Variants in MTUS1 observed in about 807,000 individuals in gnomAD.
The protein encoded by MTUS1 is microtubule associated scaffold protein 1, also known as microtubule-associated tumor suppressor 1.
Under a neutral mutation model 120.8 loss-of-function variants are expected in MTUS1, and 109 were observed. That is an observed-to-expected ratio of 0.90 (90% CI 0.77 to 1.06). The LOEUF is 1.06. MTUS1 is among the 50% of genes least tolerant of loss of function. The pLI, the probability that MTUS1 is intolerant of heterozygous loss-of-function variation, is 0.00. For missense variants in MTUS1, 2,210 were observed against 1,486.3 expected (o/e 1.49, Z -8.01); for synonymous variants, 737 against 550.5 (o/e 1.34, Z -4.74).
At chr8:17,768,723 CA>C (rs1183193705) in intron 1 of MTUS1, among the ~76,000 whole-genome samples, 1 of 151,960 alleles carries the variant, frequency 6.6e-6, no homozygotes, top group South Asian at 2.1e-4. Flanking sequence ...ACCTCCAAAA[CA>C]AAAAACAAAA....
intron 1 of MTUS1, among the ~76,000 whole-genome samples, chr8:17,769,247 T>TC (rs1252795569): frequency 5.5e-5 from 8 of 145,638 alleles, no homozygotes; most frequent in African/African-American, 2.0e-4. Context: ...TTTTTTTTTT[T>TC]TTTGGCTCAA....
intron 8 of MTUS1, among the ~76,000 whole-genome samples, chr8:17,661,657 G>T (rs1490220464): frequency 6.8e-6 from 1 of 147,038 alleles, no homozygotes; most frequent in Non-Finnish European, 1.5e-5. Flanking sequence ...AAAAAAAAAA[G>T]GCAGCTCTGA....
chr8:17,650,091 T>C, intron 12 of MTUS1, 129 bp from the exon 13 acceptor site: 1 of 697,214 alleles, frequency 1.4e-6, no homozygotes, highest in Non-Finnish European at 2.6e-6. Flanking sequence ...TAGAGCAATT[T>C]CAAAGAAAGA....
intron 1 of MTUS1, among the ~76,000 whole-genome samples, chr8:17,794,894 G>C (rs998353396): frequency 6.6e-6 from 1 of 152,182 alleles, no homozygotes; most frequent in African/African-American, 2.4e-5. Context: ...CGTAAAGCTA[G>C]CCAAGGGAGC....
chr8:17,779,810 T>C (rs1185604546), intron 1 of MTUS1, among the ~76,000 whole-genome samples: 3 of 152,206 alleles, frequency 2.0e-5, no homozygotes, highest in African/African-American at 7.2e-5. Context: ...AGCCCCTTAT[T>C]CCTTCTCTTC....
At chr8:17,788,460 C>A (rs1304020561) in intron 1 of MTUS1, among the ~76,000 whole-genome samples, 1 of 152,138 alleles carries the variant, frequency 6.6e-6, no homozygotes, top group Non-Finnish European at 1.5e-5. Flanking sequence ...TCTCTTTACT[C>A]AGAATTTCAT....
At position 17,753,900 on chromosome 8, in the gene MTUS1, C is replaced by A. The variant is rs2048377960; in HGVS notation, c.1908G>T (p.Lys636Asn). The change falls in exon 2 of 15, where the codon AAG (lysine) becomes AAT (asparagine). Residue 636 changes from lysine (K) to asparagine (N), a missense_variant. Lys to Asn is a moderately conservative substitution (Grantham distance 94). Coordinates refer to ENST00000693296, the MANE Select transcript of MTUS1 (RefSeq NM_001363059.2). ...TTTTAACAGGGAGTATGCCTTTGAT[C>A]TTCTGAAACAACGCAGAAACGGACC... ...ETGSVSALFQ[K>N]IKGILPVKME... The A allele has an allele frequency of 6.2e-7, 1 of 1,614,132 alleles. No homozygotes were observed. Among genetic ancestry groups the A allele is most frequent in the Non-Finnish European group, 8.5e-7 (1 of 1,180,030 alleles).
At chr8:17,738,899 G>C (rs1464662665) in intron 3 of MTUS1, among the ~76,000 whole-genome samples, 1 of 152,012 alleles carries the variant, frequency 6.6e-6, no homozygotes, top group Non-Finnish European at 1.5e-5. Context: ...GGTACTGTGG[G>C]AGGCCTAGGT....
intron 1 of MTUS1, among the ~76,000 whole-genome samples, chr8:17,794,434 T>C (rs955096103): frequency 4.6e-5 from 7 of 152,234 alleles, no homozygotes; most frequent in African/African-American, 1.7e-4. Context: ...AGCCTAACTA[T>C]ACACTACGTA....
At chr8:17,676,028 T>A (rs979867519) in intron 7 of MTUS1, 1 of 538,148 alleles carries the variant, frequency 1.9e-6, no homozygotes, top group Non-Finnish European at 3.3e-6. Flanking sequence ...AAAGGTAGAT[T>A]CCCTAGCACC....
At chr8:17,659,313 G>C (rs1177908799) in intron 8 of MTUS1, among the ~76,000 whole-genome samples, 1 of 152,212 alleles carries the variant, frequency 6.6e-6, no homozygotes, top group Non-Finnish European at 1.5e-5. Context: ...TTGGGGCCCA[G>C]GGAGTGGCAC....
chr8:17,647,548 CA>C (rs1806081047), intron 13 of MTUS1, among the ~76,000 whole-genome samples: 1 of 152,106 alleles, frequency 6.6e-6, no homozygotes, highest in Non-Finnish European at 1.5e-5. Flanking sequence ...GACTTGAACT[CA>C]GTTTCATGGT....
At chr8:17,785,126 C>T (rs1586395476) in intron 1 of MTUS1, among the ~76,000 whole-genome samples, 1 of 79,850 alleles carries the variant, frequency 1.3e-5, no homozygotes, top group South Asian at 3.2e-4. Flanking sequence ...ATTCCTAGGT[C>T]CTCTATCACA....
intron 6 of MTUS1, among the ~76,000 whole-genome samples, chr8:17,686,671 T>C (rs1332018025): frequency 1.3e-5 from 2 of 152,236 alleles, no homozygotes; most frequent in African/African-American, 4.8e-5. Context: ...TTTATAATTA[T>C]TTACAAAATC....
At chr8:17,678,388 G>C (rs1046785275) in intron 7 of MTUS1, among the ~76,000 whole-genome samples, 1 of 151,764 alleles carries the variant, frequency 6.6e-6, no homozygotes, top group Non-Finnish European at 1.5e-5. Flanking sequence ...TGGAAATCTG[G>C]ATATAAAGAT....
chr8:17,706,705 A>G (rs973721223), intron 6 of MTUS1, among the ~76,000 whole-genome samples: 4 of 152,234 alleles, frequency 2.6e-5, no homozygotes, highest in Non-Finnish European at 5.9e-5. Flanking sequence ...CAAGAAATTG[A>G]AAGTTGAAAG....
intron 6 of MTUS1, among the ~76,000 whole-genome samples, chr8:17,695,730 T>C (rs1817809724): frequency 6.6e-6 from 1 of 152,248 alleles, no homozygotes; most frequent in Non-Finnish European, 1.5e-5. Flanking sequence ...AAACATGTGA[T>C]CACATGCAAA....
At chr8:17,674,736 G>A in intron 8 of MTUS1, 1 of 993,266 alleles carries the variant, frequency 1.0e-6, no homozygotes, top group Non-Finnish European at 1.2e-6. Flanking sequence ...TTTCAGCCAA[G>A]TTGCCTTCAT....
At chr8:17,757,711 GA>G (rs2048730340) in intron 1 of MTUS1, among the ~76,000 whole-genome samples, 1 of 152,134 alleles carries the variant, frequency 6.6e-6, no homozygotes, top group South Asian at 2.1e-4. Flanking sequence ...ATTTTTAGTA[GA>G]GACAGGGTTT....
Sources: gnomAD v4.1 joint callset for allele counts (sites outside exome capture counted in the v4.1 genomes callset) on GRCh38, gnomAD v4.1.1 for gene constraint, MANE v1.5 for transcripts, NCBI Gene and HGNC (gene_info 2026-07-23, HGNC 2026-07-21) for gene names.